Variants in DNAH2 observed in about 807,000 individuals in gnomAD.
DNAH2 encodes dynein axonemal heavy chain 2, also known as axonemal beta dynein heavy chain 2.
In DNAH2, 323 loss-of-function variants were observed where a neutral mutation model predicts 523.5. That is an observed-to-expected ratio of 0.62 (90% CI 0.56 to 0.68). The LOEUF is 0.68. DNAH2 is among the 30% of genes least tolerant of loss of function. DNAH2 has a pLI of 0.00. For missense variants in DNAH2, 4,907 were observed against 5,701.5 expected (o/e 0.86, Z 4.49); for synonymous variants, 2,093 against 2,177.4 (o/e 0.96, Z 1.08).
chr17:7,830,681 C>CT lies in DNAH2; in HGVS notation c.12070dup (p.Tyr4024LeufsTer4). On this transcript the variant is annotated frameshift_variant, in exon 79 of 86. Coordinates refer to ENST00000572933, the MANE Select transcript of DNAH2 (RefSeq NM_020877.5). LOFTEE classifies it high-confidence loss of function. Reference sequence around the variant, plus strand: ...AGGTGTCAGAAAACTTGCTGAGCCTCTATCTCGATGAGTACGAGGAGACAC... The same window carrying CT: ...AGGTGTCAGAAAACTTGCTGAGCCTCTTATCTCGATGAGTACGAGGAGACAC... 6.2e-7 allele frequency: 1 copy of CT among 1,614,204 alleles called. No homozygotes were observed. The highest frequency in any genetic ancestry group is 1.1e-5 in the South Asian group (1 of 91,090).
chr17:7,766,066 C>T (rs368635605), intron 21 of DNAH2, among the ~76,000 whole-genome samples: 7 of 152,248 alleles, frequency 4.6e-5, no homozygotes, highest in East Asian at 1.9e-4. Flanking sequence ...TGTGAGCCAC[C>T]GCGCCCGGCC....
Position 7,832,463 on chromosome 17 carries a change from C to T in DNAH2, c.12727-116C>T, listed in dbSNP as rs532870569. 16 of 1,264,416 alleles carry T rather than the reference C, an allele frequency of 1.3e-5. No individual in the cohort carries two copies. The highest frequency in any genetic ancestry group is 2.5e-4 in the Middle Eastern group (1 of 4,068). 78.3% of individuals were successfully genotyped at this position (1,264,416 alleles called of 1,614,324 possible). ...GGTGGAGGTTGCAGTGAGCCAAGATCGTACCACTGCACTCCAGCCTGGGGG... is the reference window on the plus strand; with the variant it reads ...GGTGGAGGTTGCAGTGAGCCAAGATTGTACCACTGCACTCCAGCCTGGGGG... On this transcript the variant is annotated intron_variant, in intron 82 of 85. Coordinates refer to ENST00000572933, the MANE Select transcript of DNAH2 (RefSeq NM_020877.5). This position sits in a 1 kb window ranked among gnomAD's most constrained non-coding sequence, Gnocchi z 4.3.
Position 7,758,578 on chromosome 17 carries a change from T to C in DNAH2, c.2135T>C (p.Leu712Pro). ...RLLDKKIHPG[L>P]KKLHWALKGA... ...CTGGATAAGAAGATCCACCCGGGAC[T>C]CAAGAAACTGCACTGGGCCTTGAAG... Residue 712 changes from leucine (L) to proline (P), a missense_variant, in exon 14 of 86, where the codon CTC becomes CCC. Leu to Pro is a moderately conservative substitution (Grantham distance 98, BLOSUM62 -3). Around this residue, in one of 3 missense-constraint regions of DNAH2, gnomAD observed 2,806 missense variants for 3,190.8 expected, o/e 0.88. Coordinates refer to ENST00000572933, the MANE Select transcript of DNAH2 (RefSeq NM_020877.5). 3.1e-6 allele frequency: 5 copies of C among 1,614,180 alleles called. No homozygotes were observed. Among genetic ancestry groups the C allele is most frequent in the Non-Finnish European group, 4.2e-6 (5 of 1,180,036 alleles).
chr17:7,777,301 C>A, intron 32 of DNAH2, 145 bp from the exon 33 acceptor site: 1 of 850,452 alleles, frequency 1.2e-6, no homozygotes, highest in Non-Finnish European at 1.9e-6. Flanking sequence ...CCAGTGGGGG[C>A]AGTCCGTGGT....
intron 20 of DNAH2, among the ~76,000 whole-genome samples, chr17:7,764,782 CTTTTTTTTTTTTT>C (rs59188289): frequency 2.0e-5 from 1 of 49,494 alleles, no homozygotes; most frequent in East Asian, 6.1e-4. Flanking sequence ...ACTGTATTTA[CTTTTTTTTTTTTT>C]TTTTTTTTTG....
intron 12 of DNAH2, among the ~76,000 whole-genome samples, chr17:7,756,576 G>A (rs1462217766): frequency 1.3e-5 from 2 of 151,958 alleles, no homozygotes; most frequent in African/African-American, 2.4e-5. Flanking sequence ...CCTGGCCCCA[G>A]TGAAATTCAT....
At chr17:7,787,245 C>CT in intron 42 of DNAH2, 1 of 653,238 alleles carries the variant, frequency 1.5e-6, no homozygotes, top group Non-Finnish European at 2.6e-6. Context: ...AAAACACCCT[C>CT]TGTTGTAAGC....
In DNAH2 at chr17:7,760,568, A is replaced by G. The variant is rs920313382; in HGVS notation, c.2786-172A>G. Reference sequence around the variant, plus strand: ...CACATCCTATGAAGGAGACACTAAGAGTCACATTTTCACTTTCTGCCTACT... The same window carrying G: ...CACATCCTATGAAGGAGACACTAAGGGTCACATTTTCACTTTCTGCCTACT... On this transcript the variant is annotated intron_variant, in intron 17 of 85. Transcript: ENST00000572933. This position sits in a 1 kb window ranked among gnomAD's most constrained non-coding sequence, Gnocchi z 4.0. Among the ~76,000 whole-genome samples, 9 of 152,110 alleles carry G rather than the reference A, an allele frequency of 5.9e-5. No individual in the cohort carries two copies. The highest frequency in any genetic ancestry group is 2.2e-4 in the African/African-American group (9 of 41,402).
In DNAH2 at chr17:7,772,120, G is replaced by T. The variant is rs538867530; in HGVS notation, c.4501+652G>T. 1.4e-3 allele frequency among the ~76,000 whole-genome samples: 210 copies of T among 152,242 alleles called. 1 individual carries two copies. The highest frequency in any genetic ancestry group is 4.5e-3 in the African/African-American group (188 of 41,532). ...CACGGCAAGATGAACACATAGTGAG[G>T]CCTGGTCGACTGGGGGAGACTGGGG... On this transcript the variant is annotated intron_variant, in intron 28 of 85. Transcript: ENST00000572933.
Position 7,775,269 on chromosome 17 carries a change from C to T in DNAH2, c.4748C>T (p.Ala1583Val). The change falls in exon 30 of 86, where the codon GCT (alanine) becomes GTT (valine). Residue 1583 changes from alanine to valine, a missense_variant. Transcript: ENST00000572933. ...GGAGGGCCCAGCAGCAAATGGGAAGCTGTGGGGATGTTCTCGGGCGACGGC... is the reference window on the plus strand; with the variant it reads ...GGAGGGCCCAGCAGCAAATGGGAAGTTGTGGGGATGTTCTCGGGCGACGGC... ...KVGGPSSKWE[A>V]VGMFSGDGEY... 2 of 1,613,514 alleles carry T rather than the reference C, an allele frequency of 1.2e-6. No individual in the cohort carries two copies. Among genetic ancestry groups the T allele is most frequent in the South Asian group, 1.1e-5 (1 of 90,868 alleles).
intron 12 of DNAH2, among the ~76,000 whole-genome samples, chr17:7,746,220 A>ACAGTG (rs1449152517): frequency 6.6e-6 from 1 of 152,240 alleles, no homozygotes; most frequent in Non-Finnish European, 1.5e-5. Flanking sequence ...ATATAGGCAT[A>ACAGTG]CAGTGTAAAA....
rs767878340 is a variant in DNAH2, at chr17:7,816,554, A to G, written c.9730-17A>G. On this transcript the variant is annotated splice_polypyrimidine_tract_variant and intron_variant, in intron 63 of 85. Coordinates refer to ENST00000572933, the MANE Select transcript of DNAH2 (RefSeq NM_020877.5). ...GCGAGCCCTGTGTTTGATGCGCTAT[A>G]CTCGAATCTCTCCCAGGTAGCTGAG... 3.5e-5 allele frequency: 56 copies of G among 1,614,002 alleles called. No homozygotes were observed. The highest frequency in any genetic ancestry group is 4.7e-5 in the Non-Finnish European group (55 of 1,179,996).
intron 31 of DNAH2, 111 bp downstream of exon 31, chr17:7,776,260 G>A: frequency 7.7e-7 from 1 of 1,292,848 alleles, no homozygotes; most frequent in East Asian, 2.8e-5. Context: ...GAGGTCAGGA[G>A]TTCAAGACCA....
chr17:7,824,356 T>C (rs1376635949), intron 76 of DNAH2, 52 bp downstream of exon 76: 2 of 1,486,316 alleles, frequency 1.3e-6, no homozygotes, highest in African/African-American at 1.4e-5. Flanking sequence ...TCCTTGTCCC[T>C]AGAACCTCCA....
chr17:7,786,020 T>G lies in DNAH2; in HGVS notation c.6130-104T>G. ...GGAGTGCAGAGGGCCCTGGTGCCAT[T>G]TTTAACAGTTTGAACGTATTCTCTC... On this transcript the variant is annotated intron_variant, in intron 39 of 85. Transcript: ENST00000572933. The surrounding 1 kb of genome is among the most constrained non-coding windows in gnomAD (Gnocchi z 7.5). 1 of 1,247,336 alleles carries G rather than the reference T, an allele frequency of 8.0e-7. No homozygotes were observed. The highest frequency in any genetic ancestry group is 1.1e-6 in the Non-Finnish European group (1 of 889,358). 77.3% of individuals were successfully genotyped at this position (1,247,336 alleles called of 1,614,324 possible). A position where few individuals can be genotyped will look rare whatever the true frequency, so the allele number is the denominator to read the frequency against.
At chr17:7,751,781 A>G (rs2075689070) in intron 12 of DNAH2, among the ~76,000 whole-genome samples, 1 of 152,128 alleles carries the variant, frequency 6.6e-6, no homozygotes, top group Non-Finnish European at 1.5e-5. Flanking sequence ...TATTTCCCAT[A>G]AGAATTTTAG....
Position 7,767,894 on chromosome 17 carries a change from C to A in DNAH2, c.3676-6C>A. The A allele has an allele frequency of 6.2e-7, 1 of 1,614,080 alleles. No homozygotes were observed. Among genetic ancestry groups the A allele is most frequent in the Non-Finnish European group, 8.5e-7 (1 of 1,180,010 alleles). On this transcript the variant is annotated splice_polypyrimidine_tract_variant and splice_region_variant and intron_variant, in intron 22 of 85. Transcript: ENST00000572933. ...ACTTCATGCAACGCGCCTTTCTGCC[C>A]TGTAGGAGCTCGATGCCCTCCAGCA...
chr17:7,814,866 C>G (rs555803151), intron 63 of DNAH2, among the ~76,000 whole-genome samples: 1 of 152,208 alleles, frequency 6.6e-6, no homozygotes, highest in South Asian at 2.1e-4. Flanking sequence ...AACAAACAAA[C>G]AAAGTAGTTT....
At chr17:7,734,130 G>T (rs1185593116) in intron 5 of DNAH2, 53 bp from the exon 6 acceptor site, 1 of 1,488,014 alleles carries the variant, frequency 6.7e-7, no homozygotes, top group Admixed American at 2.0e-5. Context: ...TTCCTACGGG[G>T]CCAGCAAGAA....
Sources: allele counts gnomAD v4.1 joint callset (sites outside exome capture counted in the v4.1 genomes callset), GRCh38; gene constraint gnomAD v4.1.1; regional missense constraint gnomAD v4.1.1; non-coding constraint Gnocchi (gnomAD v3.1); transcripts MANE v1.5; gene names NCBI Gene and HGNC (gene_info 2026-07-23, HGNC 2026-07-21).